CDKAL1: variants seen among roughly 807,000 people sequenced by gnomAD.
CDKAL1 encodes the protein CDKAL1 threonylcarbamoyladenosine tRNA methylthiotransferase.
CDKAL1 carries 32 observed loss-of-function variants against 68.2 expected under a neutral mutation model. That is an observed-to-expected ratio of 0.47 (90% CI 0.35 to 0.63). CDKAL1 has a LOEUF of 0.63. Ranked by LOEUF, CDKAL1 falls within the 30% of genes least tolerant of loss-of-function variation. CDKAL1 has a pLI of 0.00. For missense variants in CDKAL1, 606 were observed against 696.7 expected, an observed-to-expected ratio of 0.87 and a Z score of 1.47; for synonymous variants, 234 against 244.3, an observed-to-expected ratio of 0.96 and a Z score of 0.39.
intron 10 of CDKAL1, among the ~76,000 whole-genome samples, chr6:20,976,951 T>G (rs1034290733): frequency 6.6e-5 from 10 of 152,236 alleles, no homozygotes; most frequent in Non-Finnish European, 1.2e-4. Context: ...GAGTAAAGCT[T>G]CTGAGAACAT....
chr6:20,538,192 T>G (rs568045732), intron 2 of CDKAL1, among the ~76,000 whole-genome samples: 110 of 152,338 alleles, frequency 7.2e-4, no homozygotes, highest in African/African-American at 2.5e-3. Context: ...ACTTATTGTT[T>G]CAATACTTGT....
intron 11 of CDKAL1, among the ~76,000 whole-genome samples, chr6:21,031,989 A>G (rs1561976128): frequency 6.6e-6 from 1 of 152,006 alleles, no homozygotes; most frequent in Non-Finnish European, 1.5e-5. Flanking sequence ...CATTTGGAGG[A>G]TAAGTGATAT....
intron 11 of CDKAL1, among the ~76,000 whole-genome samples, chr6:21,012,630 C>T (rs1768084210): frequency 6.6e-6 from 1 of 152,146 alleles, no homozygotes; most frequent in African/African-American, 2.4e-5. Context: ...TTAAACCTTG[C>T]TTGGTGGAAA....
intron 9 of CDKAL1, among the ~76,000 whole-genome samples, chr6:20,927,105 G>A (rs1212589509): frequency 1.3e-5 from 2 of 152,076 alleles, no homozygotes; most frequent in African/African-American, 4.8e-5. Flanking sequence ...TATTTACAGT[G>A]TATTATGCAT....
chr6:20,747,878 T>A (rs1359664475), intron 6 of CDKAL1, among the ~76,000 whole-genome samples: 2 of 152,150 alleles, frequency 1.3e-5, no homozygotes, highest in East Asian at 3.8e-4. Flanking sequence ...TGCCTGAGCT[T>A]TTGGTGTGAT....
At chr6:21,099,799 A>G (rs979646121) in intron 12 of CDKAL1, among the ~76,000 whole-genome samples, 10 of 152,174 alleles carry the variant, frequency 6.6e-5, no homozygotes, top group African/African-American at 2.4e-4. Context: ...CAGGGATTTG[A>G]CCTATGTCGT....
chr6:20,793,863 C>T (rs1217083885), intron 8 of CDKAL1, among the ~76,000 whole-genome samples: 1 of 145,334 alleles, frequency 6.9e-6, no homozygotes, highest in African/African-American at 2.5e-5. Flanking sequence ...ATAAATATAT[C>T]CTAATTCAAA....
rs530743306 is a variant in CDKAL1, at chr6:21,217,820, G to A, written c.1549-13028G>A. Among the ~76,000 whole-genome samples, 13 of 152,260 alleles carry A rather than the reference G, an allele frequency of 8.5e-5. No homozygotes were observed. The South Asian group carries it at 1.2e-3, about 15-fold the overall frequency. ...GCTATTTTTGCAGAGACGGGAACTC[G>A]CTGTGTTGCCCAGGTTGGTCTCAAA... On this transcript the variant is annotated intron_variant, in intron 15 of 15. Coordinates refer to ENST00000274695, the MANE Select transcript of CDKAL1 (RefSeq NM_017774.3).
chr6:21,136,596 G>A (rs559597150), intron 13 of CDKAL1, among the ~76,000 whole-genome samples: 2 of 152,218 alleles, frequency 1.3e-5, no homozygotes, highest in South Asian at 2.1e-4. Flanking sequence ...AGGTCTGGGG[G>A]ACCATGACTC....
chr6:21,023,874 C>T (rs560211727), intron 11 of CDKAL1, among the ~76,000 whole-genome samples: 3 of 152,106 alleles, frequency 2.0e-5, no homozygotes, highest in East Asian at 1.9e-4. Context: ...TTAGTGGGTA[C>T]GTTAGTTACT....
intron 4 of CDKAL1, among the ~76,000 whole-genome samples, chr6:20,647,811 G>A (rs575953068): frequency 6.6e-6 from 1 of 152,124 alleles, no homozygotes; most frequent in African/African-American, 2.4e-5. Flanking sequence ...ACTATGGTCT[G>A]GGGGTAGAGG....
intron 5 of CDKAL1, among the ~76,000 whole-genome samples, chr6:20,680,346 C>T (rs1581373162): frequency 1.3e-5 from 2 of 152,176 alleles, no homozygotes; most frequent in South Asian, 2.1e-4. Flanking sequence ...GGATTCCAGG[C>T]GTGAGCCACC....
At chr6:20,930,989 C>T (rs1379776154) in intron 9 of CDKAL1, among the ~76,000 whole-genome samples, 8 of 151,376 alleles carry the variant, frequency 5.3e-5, no homozygotes, top group African/African-American at 1.7e-4. Flanking sequence ...ATGATCCGCC[C>T]GCCTCGGCCT....
chr6:20,594,459 T>C (rs1361269266), intron 4 of CDKAL1, among the ~76,000 whole-genome samples: 1 of 152,228 alleles, frequency 6.6e-6, no homozygotes, highest in Non-Finnish European at 1.5e-5. Context: ...TTTTGATCTT[T>C]GTTGGTTTAA....
At chr6:21,065,676 C>CTTTTTT (rs200076110) in intron 12 of CDKAL1, among the ~76,000 whole-genome samples, 2 of 133,234 alleles carry the variant, frequency 1.5e-5, no homozygotes, top group Non-Finnish European at 3.1e-5. Flanking sequence ...ATCTTTCTAC[C>CTTTTTT]TTTTTTTTTT....
At chr6:20,895,312 C>T (rs1437600256) in intron 9 of CDKAL1, among the ~76,000 whole-genome samples, 1 of 152,142 alleles carries the variant, frequency 6.6e-6, no homozygotes, top group African/African-American at 2.4e-5. Context: ...TTGTAATGAA[C>T]ATTTGCACTT....
chr6:21,177,641 ATTAT>A (rs1481300102), intron 13 of CDKAL1, among the ~76,000 whole-genome samples: 1 of 151,634 alleles, frequency 6.6e-6, no homozygotes, highest in Non-Finnish European at 1.5e-5. Flanking sequence ...CTGGTTGGGT[ATTAT>A]TTAAAGTTTT....
chr6:20,549,038 A>G (rs1336325702), intron 4 of CDKAL1, among the ~76,000 whole-genome samples: 1 of 152,072 alleles, frequency 6.6e-6, no homozygotes, highest in Admixed American at 6.6e-5. Context: ...TAAACTGTAG[A>G]TCGTATTTGA....
intron 12 of CDKAL1, among the ~76,000 whole-genome samples, chr6:21,078,372 T>C (rs1772193180): frequency 6.6e-6 from 1 of 152,226 alleles, no homozygotes; most frequent in South Asian, 2.1e-4. Flanking sequence ...CAATAATCTT[T>C]GGGCCTAATC....
Sources: gnomAD v4.1 joint callset for allele counts (sites outside exome capture counted in the v4.1 genomes callset) on GRCh38, gnomAD v4.1.1 for gene constraint, MANE v1.5 for transcripts, NCBI Gene and HGNC (gene_info 2026-07-23, HGNC 2026-07-21) for gene names.